Variants in URI1 observed in about 807,000 individuals in gnomAD.
URI1 encodes unconventional prefoldin RPB5 interactor 1.
URI1 carries 39 observed loss-of-function variants against 60.2 expected under a neutral mutation model. The observed-to-expected ratio is 0.65, with a 90% CI of 0.50 to 0.85. The LOEUF (loss-of-function observed/expected upper bound fraction) is 0.85, where lower values mean the gene tolerates loss of function less well. URI1 is among the 40% of genes least tolerant of loss of function. The pLI is 0.00. For synonymous variants in URI1, 251 were observed against 236.8 expected, an observed-to-expected ratio of 1.06 and a Z score of -0.55; for missense variants, 691 against 665.9, an observed-to-expected ratio of 1.04 and a Z score of -0.42.
At chr19:29,946,587 T>G (rs2055106037) in intron 1 of URI1, among the ~76,000 whole-genome samples, 1 of 152,212 alleles carries the variant, frequency 6.6e-6, no homozygotes, top group Non-Finnish European at 1.5e-5. Flanking sequence ...TAGCTTATAC[T>G]TCCTGATATA....
chr19:29,942,043 A>T (rs2055030425), upstream of URI1, among the ~76,000 whole-genome samples: 1 of 1,062 alleles, frequency 9.4e-4, no homozygotes, highest in South Asian at 0.062. Context: ...TAATCTCAAA[A>T]AAAAAAAAAG....
At chr19:30,007,364 C>A (rs1007425165) in intron 6 of URI1, 106 bp from the exon 7 acceptor site, 3 of 1,278,044 alleles carry the variant, frequency 2.3e-6, no homozygotes, top group South Asian at 1.5e-5. Flanking sequence ...TGTGACCCCT[C>A]TGTTTCAATA....
upstream of URI1, among the ~76,000 whole-genome samples, chr19:29,938,311 G>A (rs1265819876): frequency 6.6e-6 from 1 of 152,108 alleles, no homozygotes; most frequent in Non-Finnish European, 1.5e-5. Context: ...ACGTCACATG[G>A]CAAGTGGAAG....
At chr19:29,973,267 A>T (rs1346504966) in intron 2 of URI1, among the ~76,000 whole-genome samples, 1 of 152,182 alleles carries the variant, frequency 6.6e-6, no homozygotes, top group Non-Finnish European at 1.5e-5. Context: ...TCATAGCCAG[A>T]CATATAACAG....
intron 1 of URI1, among the ~76,000 whole-genome samples, chr19:29,963,123 G>A (rs925755851): frequency 3.3e-5 from 5 of 152,046 alleles, no homozygotes; most frequent in African/African-American, 1.2e-4. Context: ...TCTTGCTTGG[G>A]ATTCTTGGAG....
upstream of URI1, among the ~76,000 whole-genome samples, chr19:29,942,039 CAA>C (rs10534644): frequency 0.01 from 1,513 of 147,740 alleles, 37 homozygotes; most frequent in African/African-American, 0.035. Flanking sequence ...TACGTAATCT[CAA>C]AAAAAAAAAA....
chr19:30,001,479 T>A (rs2055877545), intron 4 of URI1, among the ~76,000 whole-genome samples: 1 of 151,878 alleles, frequency 6.6e-6, no homozygotes, highest in Non-Finnish European at 1.5e-5. Context: ...TTCTATTCTC[T>A]TTCCACTTCC....
chr19:30,001,992 A>AG (rs1281638598), intron 4 of URI1, among the ~76,000 whole-genome samples: 4 of 151,994 alleles, frequency 2.6e-5, no homozygotes, highest in Non-Finnish European at 5.9e-5. Flanking sequence ...TATTTCCACC[A>AG]GGGGGCACGT....
At chr19:29,998,494 C>T (rs924149882) in intron 4 of URI1, among the ~76,000 whole-genome samples, 1 of 152,108 alleles carries the variant, frequency 6.6e-6, no homozygotes, top group Non-Finnish European at 1.5e-5. Context: ...CATTTGAGCT[C>T]TGTTAGGTAT....
Position 29,984,274 on chromosome 19 carries a change from C to G in URI1, c.153-949C>G, listed in dbSNP as rs192069397. Among the ~76,000 whole-genome samples the G allele has an allele frequency of 1.1e-3, 160 of 152,060 alleles. 1 individual carries two copies. The highest frequency in any genetic ancestry group is 3.8e-3 in the African/African-American group (156 of 41,486). On this transcript the variant is annotated intron_variant, in intron 2 of 10. Transcript: ENST00000392271. ...AGAAACCTAATCTCTATGGAAGATACAAAAATTAGCTGGGCGTGGTGTCAT... is the reference window on the plus strand; with the variant it reads ...AGAAACCTAATCTCTATGGAAGATAGAAAAATTAGCTGGGCGTGGTGTCAT...
chr19:29,935,774 T>G (rs2054965826), intron 1 of URI1, among the ~76,000 whole-genome samples: 1 of 150,250 alleles, frequency 6.7e-6, no homozygotes. Context: ...TTTTCTTTTC[T>G]TTTCTTTTCT....
intron 1 of URI1, among the ~76,000 whole-genome samples, chr19:29,953,166 C>T (rs967535810): frequency 6.6e-6 from 1 of 152,186 alleles, no homozygotes; most frequent in Non-Finnish European, 1.5e-5. Flanking sequence ...GAGTGTCTTT[C>T]TGCGCTAACC....
intron 4 of URI1, among the ~76,000 whole-genome samples, chr19:29,990,364 TTAC>T (rs2055731207): frequency 6.6e-6 from 1 of 152,210 alleles, no homozygotes; most frequent in African/African-American, 2.4e-5. Flanking sequence ...ACATTGTGTT[TTAC>T]TGTGATCTAG....
At chr19:30,012,138 TATTGTG>T in intron 9 of URI1, 141 bp from the exon 10 acceptor site, 2 of 920,944 alleles carry the variant, frequency 2.2e-6, no homozygotes, top group Non-Finnish European at 3.1e-6. Flanking sequence ...GCTATAAAAT[TATTGTG>T]ATTGTGACTA....
chr19:29,976,593 G>C (rs1456941191), intron 2 of URI1, among the ~76,000 whole-genome samples: 3 of 152,238 alleles, frequency 2.0e-5, no homozygotes, highest in Non-Finnish European at 4.4e-5. Context: ...AAGAATTAAT[G>C]GTCATTTTTA....
At chr19:29,953,739 T>A (rs1334354488) in intron 1 of URI1, among the ~76,000 whole-genome samples, 1 of 151,940 alleles carries the variant, frequency 6.6e-6, no homozygotes, top group Non-Finnish European at 1.5e-5. Context: ...ATAAAATAAT[T>A]ACTAAGGTGA....
chr19:29,949,087 G>T (rs1874988834), intron 1 of URI1, among the ~76,000 whole-genome samples: 1 of 151,360 alleles, frequency 6.6e-6, no homozygotes, highest in Non-Finnish European at 1.5e-5. Flanking sequence ...CTTCTGCCGG[G>T]CGGAGACGCT....
chr19:29,925,805 A>C (rs568970111), intron 1 of URI1: 45 of 152,340 alleles, frequency 3.0e-4, no homozygotes, highest in African/African-American at 1.0e-3. Flanking sequence ...CCACACTTTC[A>C]TTTTGCACTG....
At chr19:29,939,569 C>T (rs541998113), upstream of URI1, among the ~76,000 whole-genome samples, 24 of 152,122 alleles carry the variant, frequency 1.6e-4, no homozygotes, top group East Asian at 3.9e-4. Flanking sequence ...CCACTGCGCC[C>T]GGCCAAAGCT....
Sources: gnomAD v4.1 joint callset for allele counts (sites outside exome capture counted in the v4.1 genomes callset) on GRCh38, gnomAD v4.1.1 for gene constraint, MANE v1.5 for transcripts, NCBI Gene and HGNC (gene_info 2026-07-23, HGNC 2026-07-21) for gene names.